Variants in NT5C2 observed in about 807,000 individuals in gnomAD.
The protein encoded by NT5C2 is 5'-nucleotidase, cytosolic II, also known as cytosolic purine 5'-nucleotidase.
In NT5C2, 58 loss-of-function variants were observed where a neutral mutation model predicts 76.1. That is an observed-to-expected ratio of 0.76 (90% CI 0.62 to 0.95). The LOEUF (loss-of-function observed/expected upper bound fraction) is 0.95, where lower values mean the gene tolerates loss of function less well. Ranked by LOEUF, NT5C2 falls within the 40% of genes least tolerant of loss-of-function variation. NT5C2 has a pLI of 0.00. For synonymous variants in NT5C2, 229 were observed against 237.4 expected (o/e 0.96, Z 0.32); for missense variants, 478 against 690.3 (o/e 0.69, Z 3.45).
At chr10:103,192,545 C>G (rs1207239354) in intron 1 of NT5C2, among the ~76,000 whole-genome samples, 3 of 152,236 alleles carry the variant, frequency 2.0e-5, no homozygotes, top group African/African-American at 7.2e-5. Flanking sequence ...TAGGCCGCCA[C>G]TGAACGGCTC....
chr10:103,166,844 G>A (rs1007856265), intron 3 of NT5C2, among the ~76,000 whole-genome samples: 1 of 151,796 alleles, frequency 6.6e-6, no homozygotes, highest in Non-Finnish European at 1.5e-5. Flanking sequence ...GTAGAGACAG[G>A]GTATCATTAT....
At chr10:103,152,663 A>C (rs1256543778) in intron 3 of NT5C2, among the ~76,000 whole-genome samples, 1 of 152,234 alleles carries the variant, frequency 6.6e-6, no homozygotes, top group African/African-American at 2.4e-5. Flanking sequence ...TTATGCCTGA[A>C]GGCTAGAAAT....
chr10:103,118,746 TATGA>T, intron 4 of NT5C2, among the ~76,000 whole-genome samples: 1 of 152,340 alleles, frequency 6.6e-6, no homozygotes, highest in South Asian at 2.1e-4. Context: ...TGTTTAGTTT[TATGA>T]ATGTTTTCTA....
chr10:103,094,240 G>A (rs1008985390), intron 13 of NT5C2, 108 bp downstream of exon 13: 7 of 778,632 alleles, frequency 9.0e-6, no homozygotes, highest in East Asian at 2.6e-5. Flanking sequence ...AGAGAGATAC[G>A]GCTAATTAAA....
rs1349312807 is a variant in NT5C2 at position 103,099,752 on chromosome 10, C to T, written c.633+174G>A. The stretch of plus-strand genomic sequence containing the variant: ...CATCACTGAGGAAAGATCAACATTA[C>T]CACCGAGACCAAAGACAAGAACAAA... On this transcript the variant is annotated intron_variant, in intron 9 of 18. Coordinates refer to ENST00000404739, the MANE Select transcript of NT5C2 (RefSeq NM_001351169.2). Among the ~76,000 whole-genome samples, 2 of 151,990 alleles carry T rather than the reference C, an allele frequency of 1.3e-5. 1 individual carries two copies. Among genetic ancestry groups the T allele is most frequent in the Non-Finnish European group, 2.9e-5 (2 of 67,982 alleles).
chr10:103,178,954 C>CTTTTTTTTTTTTTT lies in NT5C2; in HGVS notation c.-25+2230_-25+2231insAAAAAAAAAAAAAA, dbSNP rs758982511. Among the ~76,000 whole-genome samples the CTTTTTTTTTTTTTT allele has an allele frequency of 8.6e-5, 11 of 128,482 alleles. 3 individuals are homozygous for CTTTTTTTTTTTTTT. The highest frequency in any genetic ancestry group is 1.3e-4 in the Non-Finnish European group (8 of 61,056). 84.3% of individuals were successfully genotyped at this position (128,482 alleles called of 152,430 possible). On this transcript the variant is annotated intron_variant, in intron 2 of 18. Transcript: ENST00000404739. Reference sequence around the variant, plus strand: ...TCTACGTTTTCTTTTTTCTTTTTTTCTTTTTTTTTTTTGAGATAGAGTCTT... The same window carrying CTTTTTTTTTTTTTT: ...TCTACGTTTTCTTTTTTCTTTTTTTCTTTTTTTTTTTTTTTTTTTTTTTTTTGAGATAGAGTCTT...
At position 103,141,697 on chromosome 10, in the gene NT5C2, TAAAC is replaced by T. The variant is rs1021014752; in HGVS notation, c.102-2222_102-2219del. On this transcript the variant is annotated intron_variant, in intron 3 of 18. Coordinates refer to ENST00000404739, the MANE Select transcript of NT5C2 (RefSeq NM_001351169.2). ...ACTTATTAATTTATAATTTATTTAATAAACAAGTCATTTAAAGCCCACTGAAGAT... is the reference window on the plus strand; with the variant it reads ...ACTTATTAATTTATAATTTATTTAATAAGTCATTTAAAGCCCACTGAAGAT... Among the ~76,000 whole-genome samples the T allele has an allele frequency of 3.0e-4, 45 of 152,164 alleles. 1 individual carries two copies. The highest frequency in any genetic ancestry group is 7.9e-4 in the Admixed American group (12 of 15,262).
chr10:103,189,771 C>T (rs921821120), intron 1 of NT5C2, among the ~76,000 whole-genome samples: 1 of 150,708 alleles, frequency 6.6e-6, no homozygotes, highest in Non-Finnish European at 1.5e-5. Flanking sequence ...CAGGTTCAAG[C>T]GATTCTCGTG....
chr10:103,152,666 C>T (rs950307839), intron 3 of NT5C2, among the ~76,000 whole-genome samples: 1 of 151,984 alleles, frequency 6.6e-6, no homozygotes, highest in African/African-American at 2.4e-5. Flanking sequence ...TGCCTGAAGG[C>T]TAGAAATGAA....
At chr10:103,131,438 G>A (rs1202619216) in intron 4 of NT5C2, among the ~76,000 whole-genome samples, 1 of 152,152 alleles carries the variant, frequency 6.6e-6, no homozygotes, top group Non-Finnish European at 1.5e-5. Context: ...GAAGTGATTG[G>A]TGTCCTCTTT....
At chr10:103,090,062 T>TAG in intron 18 of NT5C2, 154 bp from the exon 19 acceptor site, 1 of 532,566 alleles carries the variant, frequency 1.9e-6, no homozygotes, top group South Asian at 3.8e-5. Flanking sequence ...TAGAACTACT[T>TAG]ATAGTTGCCT....
At chr10:103,173,402 G>T (rs2088807387) in intron 3 of NT5C2, among the ~76,000 whole-genome samples, 1 of 151,264 alleles carries the variant, frequency 6.6e-6, no homozygotes, top group Non-Finnish European at 1.5e-5. Context: ...CGGATCACAA[G>T]AAGAGTAGAT....
chr10:103,145,477 G>C (rs1207929893), intron 3 of NT5C2, among the ~76,000 whole-genome samples: 2 of 152,190 alleles, frequency 1.3e-5, no homozygotes, highest in East Asian at 3.9e-4. Flanking sequence ...ATTGGTCTCC[G>C]GACCTTGACT....
At chr10:103,125,222 A>G in intron 4 of NT5C2, 1 of 775,724 alleles carries the variant, frequency 1.3e-6, no homozygotes, top group South Asian at 1.4e-5. Context: ...TGTGAGGTTC[A>G]CTACAATTTT....
chr10:103,091,974 G>A (rs1269024155), intron 15 of NT5C2, among the ~76,000 whole-genome samples: 1 of 152,200 alleles, frequency 6.6e-6, no homozygotes, highest in South Asian at 2.1e-4. Context: ...ATTTTCAGAT[G>A]AAAGATTGAG....
intron 3 of NT5C2, among the ~76,000 whole-genome samples, chr10:103,142,276 A>C (rs1342685800): frequency 3.3e-5 from 5 of 152,218 alleles, no homozygotes; most frequent in African/African-American, 4.8e-5. Flanking sequence ...GAGTTTAAGG[A>C]AATGAAATAA....
intron 8 of NT5C2, chr10:103,100,714 A>G (rs1200000668): frequency 1.9e-6 from 1 of 514,238 alleles, no homozygotes; most frequent in East Asian, 5.1e-5. Context: ...GGGGGGTTTT[A>G]GTGTAATTCT....
chr10:103,177,332 G>A (rs1024225605), intron 2 of NT5C2, among the ~76,000 whole-genome samples: 1 of 152,054 alleles, frequency 6.6e-6, no homozygotes, highest in African/African-American at 2.4e-5. Flanking sequence ...CTATTCTTAG[G>A]TTTCACTTCT....
chr10:103,128,194 G>A (rs900704861), intron 4 of NT5C2, among the ~76,000 whole-genome samples: 1 of 148,980 alleles, frequency 6.7e-6, no homozygotes, highest in Admixed American at 6.7e-5. Context: ...TCCTGCCTCA[G>A]CCTGCCGAGT....
Sources: allele counts gnomAD v4.1 joint callset (sites outside exome capture counted in the v4.1 genomes callset), GRCh38; gene constraint gnomAD v4.1.1; transcripts MANE v1.5; gene names NCBI Gene and HGNC (gene_info 2026-07-23, HGNC 2026-07-21).